AFAP1: variants seen among roughly 807,000 people sequenced by gnomAD.
The protein encoded by AFAP1 is actin filament associated protein 1.
Under a neutral mutation model 93.9 loss-of-function variants are expected in AFAP1, and 75 were observed. The ratio of observed to expected loss-of-function variants is 0.80; its 90% CI spans 0.66 to 0.97. AFAP1 has a LOEUF of 0.97. Ranked by LOEUF, AFAP1 falls within the 50% of genes least tolerant of loss-of-function variation. The pLI is 0.00. For synonymous variants in AFAP1, 517 were observed against 430.7 expected (o/e 1.20, Z -2.48); for missense variants, 1,201 against 1,050.8 (o/e 1.14, Z -1.98).
At chr4:7,873,036 G>A (rs1235349527) in intron 1 of AFAP1, among the ~76,000 whole-genome samples, 1 of 149,684 alleles carries the variant, frequency 6.7e-6, no homozygotes, top group African/African-American at 2.5e-5. Flanking sequence ...GATCACCTAA[G>A]GTCAGAAGTT....
intron 6 of AFAP1, among the ~76,000 whole-genome samples, chr4:7,824,717 T>A (rs76640035): frequency 0.018 from 2,736 of 151,650 alleles, 85 homozygotes; most frequent in African/African-American, 0.063. Flanking sequence ...GAATGGAGAG[T>A]GGAGAATGAC....
chr4:7,775,855 C>A (rs1716059710), intron 14 of AFAP1: 1 of 152,124 alleles, frequency 6.6e-6, no homozygotes, highest in African/African-American at 2.4e-5. Context: ...CACAAATGGG[C>A]AACACATAAA....
At chr4:7,910,622 A>C (rs1719672878) in intron 1 of AFAP1, among the ~76,000 whole-genome samples, 1 of 152,200 alleles carries the variant, frequency 6.6e-6, no homozygotes, top group South Asian at 2.1e-4. Flanking sequence ...GACCAAAAGA[A>C]GAACTGCAGA....
intron 14 of AFAP1, 67 bp from the exon 15 acceptor site, chr4:7,774,970 C>A (rs370353464): frequency 9.6e-6 from 15 of 1,554,498 alleles, no homozygotes; most frequent in Middle Eastern, 3.5e-4. Flanking sequence ...GGGACGATCC[C>A]TTCTCCACAA....
At chr4:7,936,798 G>A (rs190349399) in intron 1 of AFAP1, among the ~76,000 whole-genome samples, 8 of 152,114 alleles carry the variant, frequency 5.3e-5, no homozygotes, top group African/African-American at 1.7e-4. Context: ...AGCCAGGATG[G>A]TCTCCATCTT....
Position 7,786,297 on chromosome 4 carries a change from C to A in AFAP1, c.1427G>T (p.Arg476Leu). The change falls in exon 12 of 18, where the codon CGT becomes CTT. Residue 476 changes from arginine to leucine, a missense_variant. Physicochemically the swap from Arg to Leu is moderately radical, Grantham distance 102. Transcript: ENST00000420658. ...TAGATATGGGTTAGCAGATATAACA[C>A]GCCTGTTCATGAAACTGAAAGAAAG... is the stretch of plus-strand genomic sequence containing the variant. ...AKQTFCFMNRRVISANPYLGG... is the reference protein window; with the variant it reads ...AKQTFCFMNRLVISANPYLGG... 6.2e-7 allele frequency: 1 copy of A among 1,613,858 alleles called. No homozygotes were observed. Among genetic ancestry groups the A allele is most frequent in the African/African-American group, 1.3e-5 (1 of 75,030 alleles).
In AFAP1 at chr4:7,930,369, ACCGGTGGCT is replaced by A. The variant is rs1720997573; in HGVS notation, c.-3+9278_-3+9286del. Among the ~76,000 whole-genome samples the A allele has an allele frequency of 1.9e-3, 5 of 2,600 alleles. No individual in the cohort carries two copies. In the Admixed American group the frequency reaches 0.031, roughly 16 times the overall value. 1.7% of individuals were successfully genotyped at this position (2,600 alleles called of 152,430 possible). On this transcript the variant is annotated intron_variant, in intron 1 of 17. Transcript: ENST00000420658. ...CATAGACATGATTAAGTCATTGGCC[ACCGGTGGCT>A]AGCTCAATCTCTCATTGGCCACCGG...
rs550194585 is a variant in AFAP1, at chr4:7,760,355, C to T, written c.*3410G>A. The T allele has an allele frequency of 1.3e-5, 2 of 152,556 alleles. No homozygotes were observed. The highest frequency in any genetic ancestry group is 4.1e-4 in the South Asian group (2 of 4,830). 9.5% of individuals were successfully genotyped at this position (152,556 alleles called of 1,614,324 possible). On this transcript the variant is annotated 3_prime_UTR_variant, in exon 18 of 18. Transcript: ENST00000420658. ...GCACAGAGGGGCGAGATGGGACTGA[C>T]CCAGCTGGTAAGCCGCCGCCCGCCA... is the stretch of plus-strand genomic sequence containing the variant.
chr4:7,820,468 T>A (rs748171520), intron 6 of AFAP1, among the ~76,000 whole-genome samples: 15 of 152,094 alleles, frequency 9.9e-5, no homozygotes, highest in Non-Finnish European at 1.9e-4. Flanking sequence ...CTGGAGCCCG[T>A]TGGCGTCAAG....
intron 6 of AFAP1, among the ~76,000 whole-genome samples, chr4:7,821,163 T>TG (rs968169811): frequency 1.3e-5 from 2 of 152,152 alleles, no homozygotes; most frequent in Non-Finnish European, 2.9e-5. Flanking sequence ...TGTGTGGCCT[T>TG]GGGGGAAAGT....
chr4:7,876,500 A>G (rs906797469), intron 1 of AFAP1, among the ~76,000 whole-genome samples: 1 of 152,212 alleles, frequency 6.6e-6, no homozygotes, highest in Admixed American at 6.5e-5. Context: ...AAATGCAGCA[A>G]CCAGGGCAAG....
At chr4:7,868,803 T>G in intron 2 of AFAP1, 84 bp from the exon 3 acceptor site, 2 of 1,166,784 alleles carry the variant, frequency 1.7e-6, no homozygotes, top group Non-Finnish European at 2.5e-6. Flanking sequence ...TCCTGAACCC[T>G]GTGTTGAACA....
chr4:7,808,017 T>C (rs979016855), intron 9 of AFAP1, among the ~76,000 whole-genome samples: 1 of 152,212 alleles, frequency 6.6e-6, no homozygotes, highest in Non-Finnish European at 1.5e-5. Context: ...AAATGAGGTA[T>C]CTTTTGGCAT....
chr4:7,893,199 C>G (rs1159892298), intron 1 of AFAP1, among the ~76,000 whole-genome samples: 2 of 152,172 alleles, frequency 1.3e-5, no homozygotes, highest in Admixed American at 1.3e-4. Context: ...TCAGGAAAAT[C>G]ATGTTGAATC....
intron 4 of AFAP1, among the ~76,000 whole-genome samples, chr4:7,848,172 AGGGAGGGAGGG>A: frequency 1.3e-5 from 1 of 75,300 alleles, no homozygotes; most frequent in African/African-American, 6.5e-5. Context: ...AGTGGGAGGG[AGGGAGGGAGGG>A]AGGAAGGAAG....
chr4:7,771,116 T>A (rs1191751329), intron 16 of AFAP1, among the ~76,000 whole-genome samples: 1 of 152,200 alleles, frequency 6.6e-6, no homozygotes, highest in Non-Finnish European at 1.5e-5. Flanking sequence ...GACACCAACG[T>A]GTTTTATTGG....
chr4:7,808,172 G>A (rs1252926164), intron 9 of AFAP1, among the ~76,000 whole-genome samples: 1 of 152,182 alleles, frequency 6.6e-6, no homozygotes, highest in Non-Finnish European at 1.5e-5. Context: ...GAAAATGACA[G>A]CACATTCCTA....
chr4:7,905,563 T>C (rs566412882), intron 1 of AFAP1, among the ~76,000 whole-genome samples: 2 of 152,348 alleles, frequency 1.3e-5, no homozygotes, highest in African/African-American at 4.8e-5. Flanking sequence ...TCTAAAAAGA[T>C]TTCTTTTTCA....
chr4:7,935,352 G>A (rs1721313398), intron 1 of AFAP1, among the ~76,000 whole-genome samples: 1 of 152,140 alleles, frequency 6.6e-6, no homozygotes, highest in African/African-American at 2.4e-5. Flanking sequence ...GCCACATATC[G>A]AATTCCAGTC....
Sources: gnomAD v4.1 joint callset for allele counts (sites outside exome capture counted in the v4.1 genomes callset) on GRCh38, gnomAD v4.1.1 for gene constraint, MANE v1.5 for transcripts, NCBI Gene and HGNC (gene_info 2026-07-23, HGNC 2026-07-21) for gene names.